Variants in CNTN6 observed in about 807,000 individuals in gnomAD.
The protein encoded by CNTN6 is contactin-6.
In CNTN6, 137 loss-of-function variants were observed where a neutral mutation model predicts 122.8. The observed-to-expected ratio is 1.12, with a 90% confidence interval of 0.97 to 1.29. The LOEUF (loss-of-function observed/expected upper bound fraction) is 1.29, where lower values mean the gene tolerates loss of function less well. Among genes scored for constraint, CNTN6 ranks in the 50% most tolerant of loss-of-function variants. The probability of loss-of-function intolerance (pLI) is 0.00; values close to 1 mark genes in which losing one functional copy is unlikely to be tolerated. For missense variants in CNTN6, 1,634 were observed against 1,223.4 expected (o/e 1.34, Z -5.01); for synonymous variants, 570 against 426.0 (o/e 1.34, Z -4.16).
intron 8 of CNTN6, among the ~76,000 whole-genome samples, chr3:1,325,045 G>T (rs1434190959): frequency 1.3e-5 from 2 of 151,714 alleles, no homozygotes; most frequent in Non-Finnish European, 2.9e-5. Flanking sequence ...GCAGTTTCCA[G>T]TCAGTTTATG....
At chr3:1,296,043 T>C (rs768443872) in intron 6 of CNTN6, among the ~76,000 whole-genome samples, 104 of 152,092 alleles carry the variant, frequency 6.8e-4, no homozygotes, top group Non-Finnish European at 1.2e-3. Context: ...ACAGCTTGTC[T>C]TTTTTTTGCT....
intron 11 of CNTN6, among the ~76,000 whole-genome samples, chr3:1,339,957 G>C (rs932560042): frequency 6.6e-6 from 1 of 152,058 alleles, no homozygotes; most frequent in Non-Finnish European, 1.5e-5. Flanking sequence ...GAATAATAAT[G>C]ATGATGATAT....
At chr3:1,246,739 C>A (rs914369414) in intron 4 of CNTN6, among the ~76,000 whole-genome samples, 1 of 152,000 alleles carries the variant, frequency 6.6e-6, no homozygotes, top group African/African-American at 2.4e-5. Flanking sequence ...TAAAAAGTAT[C>A]TCATTTTGGT....
Position 1,134,934 on chromosome 3 carries a change from TGAG to T in CNTN6, c.-82-12991_-82-12989del, listed in dbSNP as rs534819798. On this transcript the variant is annotated intron_variant, in intron 1 of 22. Coordinates refer to ENST00000446702, the MANE Select transcript of CNTN6 (RefSeq NM_001289080.2). Reference sequence around the variant, plus strand: ...CCCCTGCCCTTGGAGAAATGTATCATGAGGTCAGTGGGTGAATTTCTTTGCCTG... The same window carrying T: ...CCCCTGCCCTTGGAGAAATGTATCATGTCAGTGGGTGAATTTCTTTGCCTG... 5.9e-5 allele frequency among the ~76,000 whole-genome samples: 9 copies of T among 152,224 alleles called. No homozygotes were observed. In the South Asian group the frequency reaches 1.9e-3, roughly 32 times the overall value.
At chr3:1,110,854 C>T (rs1382822477) in intron 1 of CNTN6, among the ~76,000 whole-genome samples, 3 of 152,114 alleles carry the variant, frequency 2.0e-5, no homozygotes, top group Non-Finnish European at 2.9e-5. Context: ...GACTCTTAGT[C>T]CGATGACAGA....
At chr3:1,138,299 A>G (rs2092530675) in intron 1 of CNTN6, among the ~76,000 whole-genome samples, 1 of 152,176 alleles carries the variant, frequency 6.6e-6, no homozygotes, top group Non-Finnish European at 1.5e-5. Flanking sequence ...TGTAAAAAGA[A>G]AAGCAAACAT....
intron 19 of CNTN6, among the ~76,000 whole-genome samples, chr3:1,383,789 T>C (rs1045507274): frequency 6.6e-6 from 1 of 152,246 alleles, no homozygotes; most frequent in South Asian, 2.1e-4. Flanking sequence ...CTCATATTTA[T>C]ACCCACTTCT....
rs1227894241 is a variant in CNTN6 at position 1,373,911 on chromosome 3, T to A, written c.1946-13T>A. On this transcript the variant is annotated splice_polypyrimidine_tract_variant and intron_variant, in intron 15 of 22. Coordinates refer to ENST00000446702, the MANE Select transcript of CNTN6 (RefSeq NM_001289080.2). The stretch of plus-strand genomic sequence containing the variant: ...GTCCCAACCTAGGTGCCTTAGTGTC[T>A]CATTCTTTTTAGTTCCAGAAATTCT... The A allele has an allele frequency of 1.2e-6, 2 of 1,605,356 alleles. No homozygotes were observed. The highest frequency in any genetic ancestry group is 1.7e-6 in the Non-Finnish European group (2 of 1,174,888).
chr3:1,327,648 A>G (rs1701727642), intron 10 of CNTN6, 62 bp downstream of exon 10: 3 of 1,542,440 alleles, frequency 1.9e-6, no homozygotes, highest in South Asian at 1.2e-5. Context: ...ATAATTATGC[A>G]TAATCCCAAC....
At chr3:1,264,278 G>A (rs773205699) in intron 4 of CNTN6, among the ~76,000 whole-genome samples, 2 of 152,036 alleles carry the variant, frequency 1.3e-5, no homozygotes, top group South Asian at 2.1e-4. Context: ...ACAAACAAAC[G>A]GTGGCAGCCA....
chr3:1,305,455 G>T (rs1243310129), intron 7 of CNTN6, among the ~76,000 whole-genome samples: 5 of 152,022 alleles, frequency 3.3e-5, no homozygotes, highest in Admixed American at 3.3e-4. Context: ...TTAACATGGT[G>T]GACTCTTAAT....
chr3:1,124,069 T>C (rs1408857429), intron 1 of CNTN6, among the ~76,000 whole-genome samples: 17 of 151,982 alleles, frequency 1.1e-4, no homozygotes, highest in Admixed American at 1.1e-3. Flanking sequence ...TCTTTTAATA[T>C]TCTGTTGGAC....
intron 2 of CNTN6, among the ~76,000 whole-genome samples, chr3:1,190,455 T>C (rs1018874653): frequency 4.6e-5 from 7 of 152,228 alleles, no homozygotes; most frequent in African/African-American, 1.7e-4. Context: ...GCCTTGCTTT[T>C]TGTATCATCG....
intron 6 of CNTN6, among the ~76,000 whole-genome samples, chr3:1,297,638 C>CTTTTTTTTT (rs71303106): frequency 1.4e-5 from 2 of 138,540 alleles, no homozygotes; most frequent in African/African-American, 2.6e-5. Flanking sequence ...TTGTTTTTTT[C>CTTTTTTTTT]TTTTTTTTTT....
At chr3:1,289,509 T>G (rs945679326) in intron 5 of CNTN6, among the ~76,000 whole-genome samples, 5 of 152,120 alleles carry the variant, frequency 3.3e-5, no homozygotes, top group African/African-American at 1.2e-4. Context: ...TCCCAGACGT[T>G]TTATGAATGT....
intron 16 of CNTN6, among the ~76,000 whole-genome samples, chr3:1,376,118 T>C (rs1267946556): frequency 1.3e-5 from 2 of 152,138 alleles, no homozygotes; most frequent in African/African-American, 2.4e-5. Context: ...CCTGCTGATT[T>C]AGCGATTATC....
intron 4 of CNTN6, among the ~76,000 whole-genome samples, chr3:1,235,111 CT>C (rs2094404911): frequency 2.0e-5 from 3 of 152,134 alleles, no homozygotes; most frequent in African/African-American, 7.2e-5. Context: ...AAATTCAGGC[CT>C]TCTCCCACTG....
intron 2 of CNTN6, among the ~76,000 whole-genome samples, chr3:1,193,516 C>T (rs1175961604): frequency 2.6e-5 from 4 of 152,132 alleles, no homozygotes; most frequent in East Asian, 3.9e-4. Flanking sequence ...GAAATGCTTA[C>T]GTGATAACTA....
intron 7 of CNTN6, among the ~76,000 whole-genome samples, chr3:1,305,782 ATATT>A (rs1409253258): frequency 6.6e-6 from 1 of 152,168 alleles, no homozygotes; most frequent in East Asian, 1.9e-4. Flanking sequence ...ACAGAGGACT[ATATT>A]TATGTGTACA....
Sources: allele counts gnomAD v4.1 joint callset (sites outside exome capture counted in the v4.1 genomes callset), GRCh38; gene constraint gnomAD v4.1.1; transcripts MANE v1.5; gene names NCBI Gene and HGNC (gene_info 2026-07-23, HGNC 2026-07-21).